The following TMEM132E variants were observed in gnomAD, a reference collection of about 807,000 sequenced individuals.
The protein encoded by TMEM132E is transmembrane protein 132E.
In TMEM132E, 49 loss-of-function variants were observed where a neutral mutation model predicts 78.5. That is an observed-to-expected ratio of 0.62 (90% CI 0.50 to 0.79). TMEM132E has a LOEUF of 0.79. Among genes scored for constraint, TMEM132E ranks in the 30% least tolerant of loss-of-function variants. The probability of loss-of-function intolerance (pLI) is 0.00; values close to 1 mark genes in which losing one functional copy is unlikely to be tolerated. For missense variants in TMEM132E, 1,403 were observed against 1,470.9 expected, an observed-to-expected ratio of 0.95 and a Z score of 0.75; for synonymous variants, 715 against 670.6, an observed-to-expected ratio of 1.07 and a Z score of -1.02.
intron 1 of TMEM132E, among the ~76,000 whole-genome samples, chr17:34,587,957 C>G (rs1477752131): frequency 6.6e-6 from 1 of 152,176 alleles, no homozygotes; most frequent in Non-Finnish European, 1.5e-5. Context: ...CCATACCTCT[C>G]TGTCTCCTGC....
intron 1 of TMEM132E, among the ~76,000 whole-genome samples, chr17:34,613,211 A>ACATGCGCGCGCGCG: frequency 1.7e-5 from 2 of 115,856 alleles, no homozygotes; most frequent in South Asian, 6.8e-4. Flanking sequence ...ACACACACAC[A>ACATGCGCGCGCGCG]CGCGCGCGCG....
chr17:34,628,110 ACAC>A (rs568436540), intron 2 of TMEM132E, among the ~76,000 whole-genome samples: 49 of 152,328 alleles, frequency 3.2e-4, no homozygotes, highest in African/African-American at 1.2e-3. Context: ...GATTCAGAGA[ACAC>A]CTACTCACCT....
intron 1 of TMEM132E, among the ~76,000 whole-genome samples, chr17:34,603,612 G>A (rs572499659): frequency 1.4e-4 from 22 of 152,284 alleles, no homozygotes; most frequent in African/African-American, 5.3e-4. Flanking sequence ...GAGTGGACCT[G>A]GGTCTGGAGC....
intron 5 of TMEM132E, among the ~76,000 whole-genome samples, chr17:34,632,186 C>G (rs902249295): frequency 2.6e-5 from 4 of 152,226 alleles, no homozygotes; most frequent in Non-Finnish European, 5.9e-5. Flanking sequence ...ACTACCTGCC[C>G]ATTCTCCTGG....
intron 1 of TMEM132E, among the ~76,000 whole-genome samples, chr17:34,592,834 C>A (rs1905921881): frequency 6.6e-6 from 1 of 152,234 alleles, no homozygotes; most frequent in South Asian, 2.1e-4. Flanking sequence ...GGTCCCCCAC[C>A]TCCCCACATT....
chr17:34,605,257 T>C (rs1906375556), intron 1 of TMEM132E, among the ~76,000 whole-genome samples: 2 of 152,182 alleles, frequency 1.3e-5, no homozygotes, highest in Admixed American at 6.5e-5. Flanking sequence ...TAAGTGAGGC[T>C]CAGCCCAGCT....
In TMEM132E at chr17:34,637,845, G is replaced by A; in HGVS notation, c.2838G>A (p.Val946=). Residue 946 remains valine, a synonymous_variant, in exon 9 of 9, where the codon GTG becomes GTA. Coordinates refer to ENST00000631683, the MANE Select transcript of TMEM132E (RefSeq NM_001304438.2). ...TGGGCAACGGGCAGCCGCTGCGGGT[G>A]CAAGGAGAGCTGTCGCCGCCAGCAG... ...VFLGNGQPLR[V]QGELSPPAGN... The A allele has an allele frequency of 6.2e-7, 1 of 1,610,258 alleles. No homozygotes were observed. Among genetic ancestry groups the A allele is most frequent in the Non-Finnish European group, 8.5e-7 (1 of 1,178,714 alleles).
chr17:34,631,684 G>C (rs1438761950), intron 5 of TMEM132E, among the ~76,000 whole-genome samples: 2 of 152,054 alleles, frequency 1.3e-5, no homozygotes, highest in Non-Finnish European at 1.5e-5. Flanking sequence ...CGTTTGGGAT[G>C]CCCCAGGGGC....
chr17:34,634,779 A>C lies in TMEM132E; in HGVS notation c.1689-20A>C. Reference sequence around the variant, plus strand: ...AGAGTCCAGGTGAGAAGCCTTCAGCATGGCATGTCCCCACCCCAGGTCAGT... The same window carrying C: ...AGAGTCCAGGTGAGAAGCCTTCAGCCTGGCATGTCCCCACCCCAGGTCAGT... On this transcript the variant is annotated intron_variant, in intron 6 of 8. Coordinates refer to ENST00000631683, the MANE Select transcript of TMEM132E (RefSeq NM_001304438.2). The C allele has an allele frequency of 6.2e-7, 1 of 1,601,434 alleles. No homozygotes were observed. The highest frequency in any genetic ancestry group is 8.5e-7 in the Non-Finnish European group (1 of 1,173,382).
chr17:34,584,484 T>C (rs1905597537), intron 1 of TMEM132E, among the ~76,000 whole-genome samples: 2 of 152,248 alleles, frequency 1.3e-5, no homozygotes, highest in Admixed American at 6.5e-5. Context: ...CCTCATAGGC[T>C]GCTGTGTGAG....
At chr17:34,629,890 C>G in intron 4 of TMEM132E, 118 bp from the exon 5 acceptor site, 1 of 1,208,660 alleles carries the variant, frequency 8.3e-7, no homozygotes, top group Admixed American at 2.8e-5. Context: ...AGTGTCCCCA[C>G]TGGAAGGATG....
chr17:34,616,259 C>T (rs1467979098), intron 1 of TMEM132E, among the ~76,000 whole-genome samples: 1 of 152,136 alleles, frequency 6.6e-6, no homozygotes, highest in African/African-American at 2.4e-5. Context: ...CCTGCTGGCC[C>T]CTCCCCACAG....
intron 1 of TMEM132E, among the ~76,000 whole-genome samples, chr17:34,613,516 GC>G (rs1906681811): frequency 1.3e-5 from 2 of 150,906 alleles, no homozygotes; most frequent in Non-Finnish European, 3.0e-5. Context: ...CAGTCCCTAA[GC>G]CCCCCACTGC....
chr17:34,602,226 T>G (rs969131830), intron 1 of TMEM132E, among the ~76,000 whole-genome samples: 4 of 152,242 alleles, frequency 2.6e-5, no homozygotes, highest in Non-Finnish European at 1.5e-5. Flanking sequence ...GAGTCTGAAA[T>G]GAACAATCGT....
chr17:34,601,804 C>T (rs534189609), intron 1 of TMEM132E, among the ~76,000 whole-genome samples: 30 of 152,326 alleles, frequency 2.0e-4, no homozygotes, highest in South Asian at 1.0e-3. Context: ...ACCCCAGGCC[C>T]GAGTACCTTC....
intron 1 of TMEM132E, among the ~76,000 whole-genome samples, chr17:34,583,844 G>A (rs1905576468): frequency 6.6e-6 from 1 of 152,218 alleles, no homozygotes; most frequent in Non-Finnish European, 1.5e-5. Flanking sequence ...GACCATGTGT[G>A]AATGGAGCCT....
Position 34,637,563 on chromosome 17 carries a change from G to A in TMEM132E, c.2556G>A (p.Pro852=), listed in dbSNP as rs779346594. The change falls in exon 9 of 9, where the codon CCG becomes CCA. Residue 852 remains proline, a synonymous_variant. Transcript: ENST00000631683. ...AGPPGSALPA[P]EAPGPGTASP... Reference sequence around the variant, plus strand: ...CGCCGGGCTCTGCGCTACCCGCACCGGAGGCTCCAGGCCCGGGCACCGCCA... The same window carrying A: ...CGCCGGGCTCTGCGCTACCCGCACCAGAGGCTCCAGGCCCGGGCACCGCCA... The A allele has an allele frequency of 4.4e-6, 7 of 1,598,836 alleles. No homozygotes were observed. The African/African-American group carries it at 8.0e-5, about 18-fold the overall frequency.
In TMEM132E at chr17:34,637,685, C is replaced by T; in HGVS notation, c.2678C>T (p.Ala893Val). 6.2e-7 allele frequency: 1 copy of T among 1,611,318 alleles called. No individual in the cohort carries two copies. Among genetic ancestry groups the T allele is most frequent in the Non-Finnish European group, 8.5e-7 (1 of 1,179,962 alleles). The stretch of plus-strand genomic sequence containing the variant: ...ACAGACCTGGAGATCGGCATGTACG[C>T]GCTGCTGGGCGTCTTCTGCCTCGCC... Reference protein sequence around the residue: ...GLTDLEIGMYALLGVFCLAIL... With the variant: ...GLTDLEIGMYVLLGVFCLAIL... Residue 893 changes from alanine (A) to valine (V), a missense_variant, in exon 9 of 9, where the codon GCG (alanine) becomes GTG (valine). This residue lies in a region of TMEM132E where 888 missense variants were observed against 952.8 expected (regional missense o/e 0.93). Transcript: ENST00000631683.
At chr17:34,631,954 G>A (rs1039871465) in intron 5 of TMEM132E, among the ~76,000 whole-genome samples, 22 of 152,200 alleles carry the variant, frequency 1.4e-4, no homozygotes, top group African/African-American at 4.8e-4. Flanking sequence ...TCTGTGAGTG[G>A]GCACAGGTAT....
Sources: allele counts gnomAD v4.1 joint callset (sites outside exome capture counted in the v4.1 genomes callset), GRCh38; gene constraint gnomAD v4.1.1; regional missense constraint gnomAD v4.1.1; transcripts MANE v1.5; gene names NCBI Gene and HGNC (gene_info 2026-07-23, HGNC 2026-07-21).